Variants in EYA1 observed in about 807,000 individuals in gnomAD.
EYA1 encodes EYA transcriptional coactivator and phosphatase 1.
Under a neutral mutation model 82.0 loss-of-function variants are expected in EYA1, and 16 were observed. The observed-to-expected ratio is 0.20, with a 90% CI of 0.13 to 0.30. EYA1 has a LOEUF of 0.30. Among genes scored for constraint, EYA1 ranks in the 10% least tolerant of loss-of-function variants. EYA1 has a pLI of 1.00. For missense variants in EYA1, 633 were observed against 730.7 expected, an observed-to-expected ratio of 0.87 and a Z score of 1.54; for synonymous variants, 261 against 264.4, an observed-to-expected ratio of 0.99 and a Z score of 0.12.
At chr8:71,523,657 T>C (rs553211025) in intron 2 of EYA1, among the ~76,000 whole-genome samples, 134 of 152,340 alleles carry the variant, frequency 8.8e-4, no homozygotes, top group Non-Finnish European at 8.5e-4. Flanking sequence ...ATTAGCCCTG[T>C]TATTTCTCTT....
intron 2 of EYA1, among the ~76,000 whole-genome samples, chr8:71,524,219 G>C (rs770905461): frequency 2.6e-5 from 4 of 152,078 alleles, no homozygotes; most frequent in Non-Finnish European, 5.9e-5. Context: ...CATTTTTAAA[G>C]TTAACCCTCC....
intron 12 of EYA1, among the ~76,000 whole-genome samples, chr8:71,240,268 CTTTTT>C (rs35098983): frequency 7.0e-6 from 1 of 143,086 alleles, no homozygotes. Context: ...TGCCCCAGGC[CTTTTT>C]TTTTTTTTTT....
Position 71,299,243 on chromosome 8 carries a change from C to G in EYA1, c.640-10G>C. ...GATAAGACGGATAGTCCTACCAAAT[C>G]AAACCACACAAGAATTGTCTGTCAA... On this transcript the variant is annotated splice_polypyrimidine_tract_variant and intron_variant, in intron 8 of 17. Transcript: ENST00000340726. 1 of 1,613,452 alleles carries G rather than the reference C, an allele frequency of 6.2e-7. No homozygotes were observed. The highest frequency in any genetic ancestry group is 8.5e-7 in the Non-Finnish European group (1 of 1,179,422).
chr8:71,517,183 T>G (rs1359023981), intron 2 of EYA1, among the ~76,000 whole-genome samples: 1 of 152,004 alleles, frequency 6.6e-6, no homozygotes, highest in East Asian at 1.9e-4. Flanking sequence ...TACCTGTTTG[T>G]TGATGATCTC....
Position 71,225,178 on chromosome 8 carries a change from T to G in EYA1, c.1141-8155A>C, listed in dbSNP as rs200049616. 10 of 455,610 alleles carry G rather than the reference T, an allele frequency of 2.2e-5. No individual in the cohort carries two copies. The East Asian group carries it at 6.9e-4, about 32-fold the overall frequency. 28.2% of individuals were successfully genotyped at this position (455,610 alleles called of 1,614,324 possible). ...GATGCAGAACAGCATGATTCCATTG[T>G]GCTTTCTAAGGGCACGTCCAAGCCC... On this transcript the variant is annotated intron_variant, in intron 12 of 17. Coordinates refer to ENST00000340726, the MANE Select transcript of EYA1 (RefSeq NM_000503.6).
chr8:71,396,023 G>A (rs965239070), intron 2 of EYA1, among the ~76,000 whole-genome samples: 2 of 151,958 alleles, frequency 1.3e-5, no homozygotes, highest in African/African-American at 4.8e-5. Context: ...GTCTTGGGAG[G>A]GTGTATGTGT....
chr8:71,426,464 GAGAGTGCAGT>G (rs911642530), intron 2 of EYA1, among the ~76,000 whole-genome samples: 1 of 152,246 alleles, frequency 6.6e-6, no homozygotes, highest in African/African-American at 2.4e-5. Context: ...GGAGATCAGG[GAGAGTGCAGT>G]ATGCAGGTAA....
At chr8:71,398,777 C>G (rs771405428) in intron 2 of EYA1, among the ~76,000 whole-genome samples, 7 of 152,230 alleles carry the variant, frequency 4.6e-5, no homozygotes, top group South Asian at 2.1e-4. Flanking sequence ...TGTCTGTTCT[C>G]AGGTCTCAAA....
At chr8:71,484,528 T>C (rs1475386184) in intron 2 of EYA1, among the ~76,000 whole-genome samples, 2 of 152,176 alleles carry the variant, frequency 1.3e-5, no homozygotes, top group Non-Finnish European at 2.9e-5. Context: ...CCTACCTAGG[T>C]ATTCAGGTTG....
intron 7 of EYA1, among the ~76,000 whole-genome samples, chr8:71,303,803 C>T (rs1348710830): frequency 2.1e-5 from 3 of 142,512 alleles, no homozygotes; most frequent in African/African-American, 7.5e-5. Flanking sequence ...TAGGCTCGCC[C>T]GTACATGCTT....
At chr8:71,379,818 A>G (rs1351064044) in intron 2 of EYA1, among the ~76,000 whole-genome samples, 6 of 142,738 alleles carry the variant, frequency 4.2e-5, no homozygotes. Flanking sequence ...TGGCATAAGC[A>G]ACTCCATCTT....
At chr8:71,508,988 G>A (rs192397595) in intron 2 of EYA1, among the ~76,000 whole-genome samples, 13 of 152,176 alleles carry the variant, frequency 8.5e-5, no homozygotes, top group African/African-American at 2.2e-4. Context: ...TTGGGAGGCC[G>A]AGGAGAGCAG....
At position 71,303,619 on chromosome 8, in the gene EYA1, A is replaced by C. The variant is rs146992730; in HGVS notation, c.557-3899T>G. Reference sequence around the variant, plus strand: ...GCAGGGCCGCTCCACCTGCCTTCACATAGGACTTAGGGTCTGACCAAGTAA... The same window carrying C: ...GCAGGGCCGCTCCACCTGCCTTCACCTAGGACTTAGGGTCTGACCAAGTAA... On this transcript the variant is annotated intron_variant, in intron 7 of 17. Coordinates refer to ENST00000340726, the MANE Select transcript of EYA1 (RefSeq NM_000503.6). 1.5e-3 allele frequency among the ~76,000 whole-genome samples: 219 copies of C among 141,806 alleles called. 19 individuals are homozygous for C. Among genetic ancestry groups the C allele is most frequent in the African/African-American group, 5.1e-3 (206 of 40,252 alleles). 93.0% of individuals were successfully genotyped at this position (141,806 alleles called of 152,430 possible). A position where few individuals can be genotyped will look rare whatever the true frequency, so the allele number is the denominator to read the frequency against.
At position 71,354,781 on chromosome 8, in the gene EYA1, C is replaced by T; in HGVS notation, c.124+1G>A. 6.2e-7 allele frequency: 1 copy of T among 1,612,896 alleles called. No individual in the cohort carries two copies. The highest frequency in any genetic ancestry group is 8.5e-7 in the Non-Finnish European group (1 of 1,179,152). On this transcript the variant is annotated splice_donor_variant, in intron 3 of 17. Transcript: ENST00000340726. LOFTEE classifies it high-confidence loss of function. Reference sequence around the variant, plus strand: ...TAAATAGTGAGAAGGCAGACACTCACCTTCGGTGCCATTGGGAGTCATGGA... The same window carrying T: ...TAAATAGTGAGAAGGCAGACACTCATCTTCGGTGCCATTGGGAGTCATGGA...
chr8:71,468,260 A>T (rs1380047986), intron 2 of EYA1, among the ~76,000 whole-genome samples: 3 of 152,152 alleles, frequency 2.0e-5, no homozygotes, highest in African/African-American at 7.2e-5. Context: ...AGATGTTTTT[A>T]AAATTCTGGT....
At chr8:71,377,259 G>A (rs901984308) in intron 2 of EYA1, among the ~76,000 whole-genome samples, 5 of 152,180 alleles carry the variant, frequency 3.3e-5, no homozygotes, top group African/African-American at 1.2e-4. Context: ...AGAAGTCGCA[G>A]CCTACCAGCC....
chr8:71,419,036 A>G (rs529142418), intron 2 of EYA1, among the ~76,000 whole-genome samples: 2 of 152,282 alleles, frequency 1.3e-5, no homozygotes, highest in East Asian at 3.9e-4. Context: ...TTGAGATGAG[A>G]AGTAAGGCCA....
At chr8:71,512,049 G>A (rs1016265948) in intron 2 of EYA1, among the ~76,000 whole-genome samples, 4 of 152,030 alleles carry the variant, frequency 2.6e-5, no homozygotes, top group African/African-American at 9.7e-5. Context: ...ATTATGTCAT[G>A]ATCAAATGAT....
At chr8:71,472,189 C>CT (rs1323815617) in intron 2 of EYA1, among the ~76,000 whole-genome samples, 1 of 152,096 alleles carries the variant, frequency 6.6e-6, no homozygotes, top group Non-Finnish European at 1.5e-5. Flanking sequence ...AGCTTGGTTT[C>CT]TTTTTTCACT....
Sources: allele counts gnomAD v4.1 joint callset (sites outside exome capture counted in the v4.1 genomes callset), GRCh38; gene constraint gnomAD v4.1.1; transcripts MANE v1.5; gene names NCBI Gene and HGNC (gene_info 2026-07-23, HGNC 2026-07-21).